ZNF264: variants seen among roughly 807,000 people sequenced by gnomAD.
The protein encoded by ZNF264 is zinc finger protein 264.
A neutral mutation model predicts 11.2 loss-of-function variants in ZNF264; 11 were observed. The observed-to-expected ratio is 0.98, with a 90% CI of 0.62 to 1.63. The LOEUF (loss-of-function observed/expected upper bound fraction) is 1.63. Ranked by LOEUF, ZNF264 falls within the 40% of genes most tolerant of loss-of-function variation. ZNF264 has a pLI of 0.00. For missense variants in ZNF264, 752 were observed against 768.1 expected (o/e 0.98, Z 0.25); for synonymous variants, 309 against 279.8 (o/e 1.10, Z -1.04).
Position 57,212,621 on chromosome 19 carries a change from G to A in ZNF264, c.1524G>A (p.Glu508=), listed in dbSNP as rs2087349099. The A allele has an allele frequency of 1.2e-6, 2 of 1,614,110 alleles. No individual in the cohort carries two copies. The highest frequency in any genetic ancestry group is 1.7e-6 in the Non-Finnish European group (2 of 1,180,030). ...LTRHKRIHSG[E]KPYECVECGK... ...GGCACAAGCGGATTCATAGTGGAGAGAAGCCCTATGAATGTGTTGAGTGTG... is the reference window on the plus strand; with the variant it reads ...GGCACAAGCGGATTCATAGTGGAGAAAAGCCCTATGAATGTGTTGAGTGTG... Residue 508 remains glutamate, a synonymous_variant, in exon 4 of 4, where the codon GAG becomes GAA. Coordinates refer to ENST00000263095, the MANE Select transcript of ZNF264 (RefSeq NM_003417.5).
intron 1 of ZNF264, 33 bp from the exon 2 acceptor site, chr19:57,193,842 G>A (rs756553624): frequency 1.1e-5 from 18 of 1,612,064 alleles, no homozygotes; most frequent in Non-Finnish European, 1.4e-5. Context: ...GCAGCTGAAA[G>A]GCCAATACTA....
In ZNF264 at chr19:57,192,570, G is replaced by A. The variant is rs970969620; in HGVS notation, c.33+624G>A. On this transcript the variant is annotated intron_variant, in intron 1 of 3. Coordinates refer to ENST00000263095, the MANE Select transcript of ZNF264 (RefSeq NM_003417.5). ...CCAGTAAGGAAAGAGGCCGATGGTTGGTTCATTGTGGAATTTCCTTGGGGG... is the reference window on the plus strand; with the variant it reads ...CCAGTAAGGAAAGAGGCCGATGGTTAGTTCATTGTGGAATTTCCTTGGGGG... 5 of 985,192 alleles carry A rather than the reference G, an allele frequency of 5.1e-6. No homozygotes were observed. The Admixed American group carries it at 1.8e-4, about 36-fold the overall frequency. 61.0% of individuals were successfully genotyped at this position (985,192 alleles called of 1,614,324 possible). A position where few individuals can be genotyped will look rare whatever the true frequency, so the allele number is the denominator to read the frequency against.
Position 57,219,182 on chromosome 19 carries a change from C to T in ZNF264, c.*6201C>T, listed in dbSNP as rs561526515. 3.9e-5 allele frequency: 6 copies of T among 152,600 alleles called. No homozygotes were observed. In the East Asian group the frequency reaches 1.2e-3, roughly 29 times the overall value. 9.5% of individuals were successfully genotyped at this position (152,600 alleles called of 1,614,324 possible). ...CAAAAAAAAAAAAAATTCTCTAGCT[C>T]TCTATGCCTTGTTGTATCCTCAGGA... On this transcript the variant is annotated 3_prime_UTR_variant, in exon 4 of 4. Transcript: ENST00000263095.
chr19:57,205,097 TAA>T (rs1308847213), intron 2 of ZNF264, among the ~76,000 whole-genome samples: 2 of 152,060 alleles, frequency 1.3e-5, no homozygotes, highest in African/African-American at 4.8e-5. Context: ...GTAAAAAAAA[TAA>T]GACTTAGATC....
rs58832898 is a variant in ZNF264, at chr19:57,222,504, TTCTCTCTCTC to T, written c.*9533_*9542del. ...CAAGAAAGGACCTAGTCTGCTCGCG[TTCTCTCTCTC>T]TCTCTCTCTATATATATATATGTAT... On this transcript the variant is annotated 3_prime_UTR_variant, in exon 4 of 4. Coordinates refer to ENST00000263095, the MANE Select transcript of ZNF264 (RefSeq NM_003417.5). 1 of 121,486 alleles carries T rather than the reference TTCTCTCTCTC, an allele frequency of 8.2e-6. No homozygotes were observed. The highest frequency in any genetic ancestry group is 3.5e-5 in the African/African-American group (1 of 28,528). 7.5% of individuals were successfully genotyped at this position (121,486 alleles called of 1,614,324 possible).
chr19:57,197,078 T>C (rs2087217126), intron 2 of ZNF264, among the ~76,000 whole-genome samples: 1 of 151,886 alleles, frequency 6.6e-6, no homozygotes, highest in Admixed American at 6.6e-5. Flanking sequence ...AACCAGGCCC[T>C]AGTCTTCTCT....
At chr19:57,208,405 A>G (rs1187520006) in intron 3 of ZNF264, among the ~76,000 whole-genome samples, 3 of 151,838 alleles carry the variant, frequency 2.0e-5, no homozygotes, top group Non-Finnish European at 4.4e-5. Flanking sequence ...TTAGCTGGGC[A>G]TGGTGGCTCA....
At chr19:57,192,337 A>G (rs1368321537) in intron 1 of ZNF264, 2 of 985,124 alleles carry the variant, frequency 2.0e-6, no homozygotes, top group Non-Finnish European at 2.4e-6. Context: ...AGGGTGTGTA[A>G]GGTTGCCATG....
chr19:57,205,738 A>G (rs1027226892), intron 3 of ZNF264, among the ~76,000 whole-genome samples: 2 of 152,190 alleles, frequency 1.3e-5, no homozygotes, highest in African/African-American at 4.8e-5. Context: ...AAGAACTAAG[A>G]TGTGTTCAGG....
chr19:57,204,836 C>T (rs968100981), intron 2 of ZNF264, among the ~76,000 whole-genome samples: 5 of 152,104 alleles, frequency 3.3e-5, no homozygotes, highest in Admixed American at 2.6e-4. Flanking sequence ...TTCTGGGTAG[C>T]GTTGTGGAGC....
chr19:57,214,708 A>G lies in ZNF264; in HGVS notation c.*1727A>G, dbSNP rs1344030813. 6.6e-6 allele frequency: 1 copy of G among 152,208 alleles called. No homozygotes were observed. Among genetic ancestry groups the G allele is most frequent in the African/African-American group, 2.4e-5 (1 of 41,450 alleles). 9.4% of individuals were successfully genotyped at this position (152,208 alleles called of 1,614,324 possible). On this transcript the variant is annotated 3_prime_UTR_variant, in exon 4 of 4. Coordinates refer to ENST00000263095, the MANE Select transcript of ZNF264 (RefSeq NM_003417.5). ...AAGTTTTATAAAACATATGTCCTCTATAAGGGTAAAAAATTTCCTCTGTTC... is the reference window on the plus strand; with the variant it reads ...AAGTTTTATAAAACATATGTCCTCTGTAAGGGTAAAAAATTTCCTCTGTTC...
At position 57,216,674 on chromosome 19, in the gene ZNF264, A is replaced by G. The variant is rs917132733; in HGVS notation, c.*3693A>G. The G allele has an allele frequency of 6.6e-6, 1 of 151,266 alleles. No homozygotes were observed. Among genetic ancestry groups the G allele is most frequent in the Non-Finnish European group, 1.5e-5 (1 of 67,672 alleles). 9.4% of individuals were successfully genotyped at this position (151,266 alleles called of 1,614,324 possible). On this transcript the variant is annotated 3_prime_UTR_variant, in exon 4 of 4. Transcript: ENST00000263095. ...TGAAGTCAGTTTCTTTGAACAGCATATACTCAGGCCATGCTTTTTTTATTC... is the reference window on the plus strand; with the variant it reads ...TGAAGTCAGTTTCTTTGAACAGCATGTACTCAGGCCATGCTTTTTTTATTC...
intron 2 of ZNF264, among the ~76,000 whole-genome samples, chr19:57,195,194 G>A (rs776027624): frequency 3.3e-5 from 5 of 152,108 alleles, no homozygotes; most frequent in Admixed American, 6.5e-5. Context: ...TACAAGTATC[G>A]TTCATGCAAC....
intron 3 of ZNF264, among the ~76,000 whole-genome samples, chr19:57,208,675 CT>C (rs1168885322): frequency 6.6e-6 from 1 of 152,148 alleles, no homozygotes; most frequent in African/African-American, 2.4e-5. Flanking sequence ...TCATTTTCCA[CT>C]TGTGGAGGTG....
At position 57,211,888 on chromosome 19, in the gene ZNF264, G is replaced by A. The variant is rs1404464256; in HGVS notation, c.791G>A (p.Cys264Tyr). 6.2e-7 allele frequency: 1 copy of A among 1,614,186 alleles called. No individual in the cohort carries two copies. Among genetic ancestry groups the A allele is most frequent in the Non-Finnish European group, 8.5e-7 (1 of 1,180,038 alleles). Residue 264 changes from cysteine to tyrosine, a missense_variant, in exon 4 of 4, where the codon TGT becomes TAT. Transcript: ENST00000263095. ...TGERPYECME[C>Y]GKAFNRKSYL... ...GAGAGGCCCTATGAGTGCATGGAGT[G>A]TGGAAAGGCCTTCAACCGCAAGTCA...
In ZNF264 at chr19:57,211,576, G is replaced by T. The variant is rs2087335970; in HGVS notation, c.479G>T (p.Gly160Val). The T allele has an allele frequency of 6.2e-7, 1 of 1,613,950 alleles. No homozygotes were observed. The highest frequency in any genetic ancestry group is 8.5e-7 in the Non-Finnish European group (1 of 1,179,996). ...GGGAAGATGAGCCCTGAATGTGATGGTTTAGGGACAGCTGATGGTGTGTGT... is the reference window on the plus strand; with the variant it reads ...GGGAAGATGAGCCCTGAATGTGATGTTTTAGGGACAGCTGATGGTGTGTGT... ...SPGKMSPECDGLGTADGVCSR... is the reference protein window; with the variant it reads ...SPGKMSPECDVLGTADGVCSR... Residue 160 changes from glycine to valine, a missense_variant, in exon 4 of 4, where the codon GGT becomes GTT. Transcript: ENST00000263095.
intron 2 of ZNF264, among the ~76,000 whole-genome samples, chr19:57,203,412 A>G (rs1354864314): frequency 2.0e-5 from 3 of 152,182 alleles, no homozygotes; most frequent in Non-Finnish European, 2.9e-5. Flanking sequence ...CCAAAGTCTG[A>G]AAAGGCTTCA....
chr19:57,194,062 C>G, intron 2 of ZNF264, 61 bp downstream of exon 2: 2 of 1,550,910 alleles, frequency 1.3e-6, no homozygotes, highest in Non-Finnish European at 1.7e-6. Flanking sequence ...ATTCCATCTT[C>G]TGACTCCAGG....
Position 57,217,747 on chromosome 19 carries a change from A to AT in ZNF264, c.*4770dup, listed in dbSNP as rs1173105517. ...AATTTTTACTTTATCTCTCACACGTATTTTACAAAACGTCATGAGAAACAT... is the reference window on the plus strand; with the variant it reads ...AATTTTTACTTTATCTCTCACACGTATTTTTACAAAACGTCATGAGAAACAT... On this transcript the variant is annotated 3_prime_UTR_variant, in exon 4 of 4. Coordinates refer to ENST00000263095, the MANE Select transcript of ZNF264 (RefSeq NM_003417.5). 1 of 134,234 alleles carries AT rather than the reference A, an allele frequency of 7.4e-6. No individual in the cohort carries two copies. Among genetic ancestry groups the AT allele is most frequent in the Non-Finnish European group, 1.6e-5 (1 of 63,210 alleles). The allele number at this position is 134,234 out of a possible 1,614,324, so 8.3% of individuals were successfully genotyped here.
Sources: gnomAD v4.1 joint callset for allele counts (sites outside exome capture counted in the v4.1 genomes callset) on GRCh38, gnomAD v4.1.1 for gene constraint, MANE v1.5 for transcripts, NCBI Gene and HGNC (gene_info 2026-07-23, HGNC 2026-07-21) for gene names.